The following ZFAND2B variants were observed in gnomAD, a reference collection of about 807,000 sequenced individuals.
ZFAND2B encodes AN1-type zinc finger protein 2B.
In ZFAND2B, 27 loss-of-function variants were observed where a neutral mutation model predicts 38.2. The ratio of observed to expected loss-of-function variants is 0.71; its 90% CI spans 0.52 to 0.97. The LOEUF (loss-of-function observed/expected upper bound fraction) is 0.97. Ranked by LOEUF, ZFAND2B falls within the 50% of genes least tolerant of loss-of-function variation. The pLI, the probability that ZFAND2B is intolerant of heterozygous loss-of-function variation, is 0.00. For missense variants in ZFAND2B, 303 were observed against 331.5 expected (o/e 0.91, Z 0.67); for synonymous variants, 111 against 119.4 (o/e 0.93, Z 0.46).
At position 219,206,913 on chromosome 2, in the gene ZFAND2B, T is replaced by G; in HGVS notation, c.-75T>G. ...AGCCCGCCAGAGTGCGGGGTCGCGG[T>G]GCGGACTTCGAGCACGAGCCCTAAA... On this transcript the variant is annotated 5_prime_UTR_variant, in exon 1 of 9. Coordinates refer to ENST00000289528, the MANE Select transcript of ZFAND2B (RefSeq NM_138802.3). The G allele has an allele frequency of 6.6e-7, 1 of 1,517,656 alleles. No homozygotes were observed. Among genetic ancestry groups the G allele is most frequent in the South Asian group, 1.2e-5 (1 of 84,862 alleles). The allele number at this position is 1,517,656 out of a possible 1,614,324, so 94.0% of individuals were successfully genotyped here.
At chr2:219,207,542 ACT>A (rs1448565647) in intron 2 of ZFAND2B, 104 bp from the exon 3 acceptor site, 66 of 1,590,392 alleles carry the variant, frequency 4.1e-5, no homozygotes, top group Middle Eastern at 1.8e-4. Flanking sequence ...GCTGGGAAAC[ACT>A]GTTTTTTTGC....
Position 219,208,293 on chromosome 2 carries a change from ACAAGCACTGT to A in ZFAND2B, c.474_483del (p.Ser159ProfsTer28). ...CTCCAGAGCACAAGCTGTGGCTTCT[ACAAGCACTGT>A]CCCCAGCCCAAGTCAAACCATGCCT... On this transcript the variant is annotated frameshift_variant, in exon 5 of 9. Transcript: ENST00000289528. LOFTEE classifies it high-confidence loss of function. 1 of 1,614,058 alleles carries A rather than the reference ACAAGCACTGT, an allele frequency of 6.2e-7. No individual in the cohort carries two copies. The highest frequency in any genetic ancestry group is 8.5e-7 in the Non-Finnish European group (1 of 1,180,004).
chr2:219,208,580 T>C lies in ZFAND2B; in HGVS notation c.597T>C (p.Asp199=). 1 of 1,614,146 alleles carries C rather than the reference T, an allele frequency of 6.2e-7. No homozygotes were observed. The highest frequency in any genetic ancestry group is 8.5e-7 in the Non-Finnish European group (1 of 1,180,010). ...TCTTTCTCCCTTTGTAGAGTGAGGATGAAGCTCTGCAGCGGGCCCTGGAAA... is the reference window on the plus strand; with the variant it reads ...TCTTTCTCCCTTTGTAGAGTGAGGACGAAGCTCTGCAGCGGGCCCTGGAAA... ...VIALQNGLSE[D]EALQRALEMS... Residue 199 remains aspartate (D), a synonymous_variant, in exon 7 of 9, where the codon GAT becomes GAC. Coordinates refer to ENST00000289528, the MANE Select transcript of ZFAND2B (RefSeq NM_138802.3).
In ZFAND2B at chr2:219,206,821, G is replaced by A; in HGVS notation, c.-167G>A. ...CGCGCCGAGGGAGGAGCGGGCGCCGGGGGCCGGCTGGCGCGGGGGCTCCGG... is the reference window on the plus strand; with the variant it reads ...CGCGCCGAGGGAGGAGCGGGCGCCGAGGGCCGGCTGGCGCGGGGGCTCCGG... On this transcript the variant is annotated 5_prime_UTR_variant, in exon 1 of 9. Transcript: ENST00000289528. 1.5e-6 allele frequency: 1 copy of A among 669,424 alleles called. No homozygotes were observed. The highest frequency in any genetic ancestry group is 1.9e-5 in the African/African-American group (1 of 51,830). The allele number at this position is 669,424 out of a possible 1,614,324, so 41.5% of individuals were successfully genotyped here.
Position 219,209,066 on chromosome 2 carries a change from A to G in ZFAND2B, c.729+17A>G, listed in dbSNP as rs1467439570. ...CGGCAGCAGGTATGAGGCTGGGCTG[A>G]AGATATATGCTGCAGTGGAAGGGAG... is the stretch of plus-strand genomic sequence containing the variant. On this transcript the variant is annotated intron_variant, in intron 8 of 8. Coordinates refer to ENST00000289528, the MANE Select transcript of ZFAND2B (RefSeq NM_138802.3). The G allele has an allele frequency of 6.2e-7, 1 of 1,614,058 alleles. No individual in the cohort carries two copies. The highest frequency in any genetic ancestry group is 2.2e-5 in the East Asian group (1 of 44,870).
rs759031204 is a variant in ZFAND2B, at chr2:219,207,278, A to G, written c.56-49A>G. On this transcript the variant is annotated intron_variant, in intron 1 of 8. Transcript: ENST00000289528. ...CGAGTGGAAGACTTGAGTGAGAGAG[A>G]AGGACATCGAGGTCCCGCTGGACCT... The G allele has an allele frequency of 5.7e-6, 9 of 1,575,580 alleles. 1 individual carries two copies. The highest frequency in any genetic ancestry group is 2.2e-5 in the South Asian group (2 of 90,296).
intron 1 of ZFAND2B, 74 bp from the exon 2 acceptor site, chr2:219,207,253 C>A: frequency 6.6e-7 from 1 of 1,523,242 alleles, no homozygotes; most frequent in Non-Finnish European, 9.1e-7. Flanking sequence ...TTTTCCTTCC[C>A]GAGTGGAAGA....
chr2:219,207,166 G>T (rs967010611), intron 1 of ZFAND2B, 124 bp downstream of exon 1: 2 of 1,038,780 alleles, frequency 1.9e-6, no homozygotes, highest in Non-Finnish European at 2.8e-6. Flanking sequence ...CTGGGGGGGG[G>T]TGGTCAGCGG....
intron 7 of ZFAND2B, 49 bp downstream of exon 7, chr2:219,208,688 G>A (rs757037933): frequency 6.2e-7 from 1 of 1,608,162 alleles, no homozygotes; most frequent in South Asian, 1.1e-5. Flanking sequence ...GCAAGGGCTT[G>A]GTCTGGAGGC....
intron 1 of ZFAND2B, 55 bp from the exon 2 acceptor site, chr2:219,207,270 TGA>T (rs772380241): frequency 2.6e-6 from 4 of 1,564,252 alleles, no homozygotes; most frequent in Non-Finnish European, 3.5e-6. Flanking sequence ...AAGACTTGAG[TGA>T]GAGAGAAGGA....
At position 219,208,990 on chromosome 2, in the gene ZFAND2B, GA is replaced by G. The variant is rs774168566; in HGVS notation, c.672del (p.Asp225ThrfsTer2). On this transcript the variant is annotated frameshift_variant, in exon 8 of 9. Transcript: ENST00000289528. LOFTEE classifies it high-confidence loss of function. ...KPQVPSCQEE[E>X]DLALAQALSA... is the part of the protein sequence containing the mutation. ...TCTCCCTCCCAGTTGTCAGGAGGAAGAAGACCTAGCTTTAGCACAAGCACTG... is the reference window on the plus strand; with the variant it reads ...TCTCCCTCCCAGTTGTCAGGAGGAAGAGACCTAGCTTTAGCACAAGCACTG... 1.9e-5 allele frequency: 30 copies of G among 1,614,088 alleles called. No homozygotes were observed. The highest frequency in any genetic ancestry group is 2.5e-5 in the Non-Finnish European group (30 of 1,180,046).
At position 219,207,384 on chromosome 2, in the gene ZFAND2B, C is replaced by A. The variant is rs750696860; in HGVS notation, c.113C>A (p.Ala38Asp). The change falls in exon 2 of 9, where the codon GCC becomes GAC. Residue 38 changes from alanine to aspartate, a missense_variant. Ala to Asp is a moderately radical substitution (Grantham distance 126). Transcript: ENST00000289528. ...CSGIFCADHV[A>D]YAQHHCGSAY... ...GGCATCTTCTGCGCAGACCATGTGG[C>A]CTACGCCCAGCATCACTGTGGATCT... 4.3e-6 allele frequency: 7 copies of A among 1,612,784 alleles called. No individual in the cohort carries two copies. In the Admixed American group the frequency reaches 1.2e-4, roughly 27 times the overall value.
chr2:219,207,866 A>C (rs776980178), intron 3 of ZFAND2B, 21 bp from the exon 4 acceptor site: 4 of 1,613,952 alleles, frequency 2.5e-6, no homozygotes, highest in African/African-American at 1.3e-5. Context: ...CAGCAGAGAC[A>C]ACCTTCTCAC....
chr2:219,208,451 A>G lies in ZFAND2B; in HGVS notation c.553A>G (p.Thr185Ala), dbSNP rs765776465. ...AGCCACAACCCGATCTCCGTCCTGG[A>G]CAGCCCCTCCAGTGATTGCTTTGCA... The part of the protein sequence containing the change: ...SRATTRSPSW[T>A]APPVIALQNG... Residue 185 changes from threonine (T) to alanine (A), a missense_variant, in exon 6 of 9, where the codon ACA becomes GCA. Physicochemically the swap from Thr to Ala is moderately conservative, Grantham distance 58. Coordinates refer to ENST00000289528, the MANE Select transcript of ZFAND2B (RefSeq NM_138802.3). The G allele has an allele frequency of 1.2e-6, 2 of 1,614,080 alleles. No homozygotes were observed. The highest frequency in any genetic ancestry group is 3.3e-5 in the Admixed American group (2 of 59,998).
rs775086147 is a variant in ZFAND2B at position 219,208,597 on chromosome 2, C to T, written c.614C>T (p.Ala205Val). 78 of 1,614,020 alleles carry T rather than the reference C, an allele frequency of 4.8e-5. No individual in the cohort carries two copies. The highest frequency in any genetic ancestry group is 4.4e-5 in the Non-Finnish European group (52 of 1,179,982). ...GLSEDEALQRALEMSLAETKP... is the reference protein window; with the variant it reads ...GLSEDEALQRVLEMSLAETKP... ...AGTGAGGATGAAGCTCTGCAGCGGG[C>T]CCTGGAAATGTCCCTGGCAGAAACC... Residue 205 changes from alanine to valine, a missense_variant, in exon 7 of 9, where the codon GCC becomes GTC. Physicochemically the swap from Ala to Val is moderately conservative, Grantham distance 64. Transcript: ENST00000289528.
chr2:219,207,131 C>A, intron 1 of ZFAND2B, 89 bp downstream of exon 1: 2 of 903,424 alleles, frequency 2.2e-6, no homozygotes, highest in Non-Finnish European at 3.2e-6. Flanking sequence ...CCCAGGCTGG[C>A]AATGCCGGGG....
intron 6 of ZFAND2B, 24 bp from the exon 7 acceptor site, chr2:219,208,548 C>CTGGTCTTCTTTCTCCCTTTGTAGAGTG: frequency 3.7e-6 from 6 of 1,614,254 alleles, no homozygotes; most frequent in Non-Finnish European, 5.1e-6. Flanking sequence ...TCCAAGGACG[C>CTGGTCTTCTTTCTCCCTTTGTAGAGTG]TGGTCTTCTT....
At position 219,207,720 on chromosome 2, in the gene ZFAND2B, G is replaced by A. The variant is rs765412183; in HGVS notation, c.223G>A (p.Ala75Thr). 3.1e-6 allele frequency: 5 copies of A among 1,614,180 alleles called. No individual in the cohort carries two copies. In the South Asian group the frequency reaches 5.5e-5, roughly 18 times the overall value. ...GGCCAGAGGGGAGCCCCCTGACCGTGCTGTGGGAGAGCACATTGACAGAGA... is the reference window on the plus strand; with the variant it reads ...GGCCAGAGGGGAGCCCCCTGACCGTACTGTGGGAGAGCACATTGACAGAGA... ...PVARGEPPDR[A>T]VGEHIDRDCR... Residue 75 changes from alanine to threonine, a missense_variant, in exon 3 of 9, where the codon GCT becomes ACT. Transcript: ENST00000289528.
Position 219,208,423 on chromosome 2 carries a change from T to C in ZFAND2B, c.528-3T>C, listed in dbSNP as rs1185167342. The C allele has an allele frequency of 6.2e-7, 1 of 1,614,216 alleles. No homozygotes were observed. Among genetic ancestry groups the C allele is most frequent in the Middle Eastern group, 1.6e-4 (1 of 6,062 alleles). The stretch of plus-strand genomic sequence containing the variant: ...ACCTCCACCTCTTCAATGTCTGTCG[T>C]AGAGCCACAACCCGATCTCCGTCCT... On this transcript the variant is annotated splice_region_variant and splice_polypyrimidine_tract_variant and intron_variant, in intron 5 of 8. Coordinates refer to ENST00000289528, the MANE Select transcript of ZFAND2B (RefSeq NM_138802.3).
Sources: gnomAD v4.1 joint callset for allele counts on GRCh38, gnomAD v4.1.1 for gene constraint, MANE v1.5 for transcripts, NCBI Gene and HGNC (gene_info 2026-07-23, HGNC 2026-07-21) for gene names.